Variants in FOXK1 observed in about 807,000 individuals in gnomAD.
FOXK1 encodes forkhead box protein K1.
In FOXK1, 19 loss-of-function variants were observed where a neutral mutation model predicts 51.9. The ratio of observed to expected loss-of-function variants is 0.37; its 90% confidence interval spans 0.26 to 0.54. FOXK1 has a LOEUF of 0.54. Among genes scored for constraint, FOXK1 ranks in the 20% least tolerant of loss-of-function variants. The pLI is 0.87. For missense variants in FOXK1, 870 were observed against 1,032.7 expected (o/e 0.84, Z 2.16); for synonymous variants, 537 against 482.6 (o/e 1.11, Z -1.48).
chr7:4,694,368 A>C (rs148335041), intron 1 of FOXK1, among the ~76,000 whole-genome samples: 34 of 152,248 alleles, frequency 2.2e-4, no homozygotes, highest in African/African-American at 7.7e-4. Context: ...GTCTGATAGG[A>C]ACTCTTGGAG....
intron 1 of FOXK1, among the ~76,000 whole-genome samples, chr7:4,728,490 T>C (rs1333852776): frequency 1.3e-5 from 2 of 152,136 alleles, no homozygotes; most frequent in Non-Finnish European, 2.9e-5. Context: ...GAACTCTTAC[T>C]CGTGTGCACT....
At position 4,763,014 on chromosome 7, in the gene FOXK1, G is replaced by A. The variant is rs1268975862; in HGVS notation, c.*550G>A. The stretch of plus-strand genomic sequence containing the variant: ...GTTGGCATTAACTCGGGGGGTGTCC[G>A]ATTTCACTTCAGACCCCAAGTTTTT... On this transcript the variant is annotated 3_prime_UTR_variant, in exon 9 of 9. Coordinates refer to ENST00000328914, the MANE Select transcript of FOXK1 (RefSeq NM_001037165.2). 1.9e-5 allele frequency: 3 copies of A among 154,346 alleles called. No homozygotes were observed. Among genetic ancestry groups the A allele is most frequent in the Admixed American group, 6.4e-5 (1 of 15,620 alleles). 9.6% of individuals were successfully genotyped at this position (154,346 alleles called of 1,614,324 possible).
Position 4,767,926 on chromosome 7 carries a change from G to T in FOXK1, c.*5462G>T, listed in dbSNP as rs962411739. ...CGAGAAGGGGGCCCTTACCCACACC[G>T]TGCGGCTTGAATTCTGTCGGAGTTG... On this transcript the variant is annotated 3_prime_UTR_variant, in exon 9 of 9. Transcript: ENST00000328914. The surrounding 1 kb of genome is among the most constrained non-coding windows in gnomAD (Gnocchi z 6.6). 6.6e-6 allele frequency: 1 copy of T among 152,024 alleles called. No individual in the cohort carries two copies. Among genetic ancestry groups the T allele is most frequent in the Admixed American group, 6.6e-5 (1 of 15,254 alleles). The allele number at this position is 152,024 out of a possible 1,614,324, so 9.4% of individuals were successfully genotyped here.
chr7:4,719,131 G>T (rs148167481), intron 1 of FOXK1, among the ~76,000 whole-genome samples: 16 of 110,366 alleles, frequency 1.4e-4, no homozygotes, highest in African/African-American at 5.3e-4. Context: ...TTTTTTTTTT[G>T]TTTGTTTTGT....
chr7:4,744,828 G>A (rs781001973), intron 2 of FOXK1, among the ~76,000 whole-genome samples: 127 of 152,358 alleles, frequency 8.3e-4, no homozygotes, highest in Non-Finnish European at 1.5e-3. Context: ...TGCAAAGACC[G>A]GATTCTTGTT....
In FOXK1 at chr7:4,747,229, C is replaced by T. The variant is rs1007043030; in HGVS notation, c.746+6206C>T. Among the ~76,000 whole-genome samples the T allele has an allele frequency of 6.6e-6, 1 of 152,182 alleles. No homozygotes were observed. The highest frequency in any genetic ancestry group is 2.4e-5 in the African/African-American group (1 of 41,460). ...TGTGTGGAGTAGGCCTGTTGCATGG[C>T]TTCTGTGCGGGCATGTTACGCACGA... is the stretch of plus-strand genomic sequence containing the variant. On this transcript the variant is annotated intron_variant, in intron 2 of 8. Coordinates refer to ENST00000328914, the MANE Select transcript of FOXK1 (RefSeq NM_001037165.2). This position sits in a 1 kb window ranked among gnomAD's most constrained non-coding sequence, Gnocchi z 9.2.
At chr7:4,724,336 C>T (rs921596527) in intron 1 of FOXK1, among the ~76,000 whole-genome samples, 1 of 152,228 alleles carries the variant, frequency 6.6e-6, no homozygotes, top group African/African-American at 2.4e-5. Flanking sequence ...GCTGGGATTA[C>T]AGGCACCCAC....
At chr7:4,708,213 G>C (rs767680079) in intron 1 of FOXK1, among the ~76,000 whole-genome samples, 1 of 152,182 alleles carries the variant, frequency 6.6e-6, no homozygotes, top group Non-Finnish European at 1.5e-5. Flanking sequence ...TGCTGATGCT[G>C]TGTGGCTTTG....
rs1193873636 is a variant in FOXK1 at position 4,757,060 on chromosome 7, C to T, written c.1117C>T (p.Pro373Ser). Reference sequence around the variant, plus strand: ...CAAAGTCCCACGTTCCCAGGAGGAGCCTGGGAAGGGGTCCTTTTGGCGAAT... The same window carrying T: ...CAAAGTCCCACGTTCCCAGGAGGAGTCTGGGAAGGGGTCCTTTTGGCGAAT... ...FIKVPRSQEEPGKGSFWRIDP... is the reference protein window; with the variant it reads ...FIKVPRSQEESGKGSFWRIDP... The change falls in exon 5 of 9, where the codon CCT becomes TCT. Residue 373 changes from proline to serine, a missense_variant. Pro to Ser is a moderately conservative substitution (Grantham distance 74). Around this residue, in one of 3 missense-constraint regions of FOXK1, gnomAD observed 14 missense variants for 46.3 expected, o/e 0.30. Transcript: ENST00000328914. 2 of 1,613,870 alleles carry T rather than the reference C, an allele frequency of 1.2e-6. No individual in the cohort carries two copies. The highest frequency in any genetic ancestry group is 1.7e-5 in the Admixed American group (1 of 60,018).
intron 1 of FOXK1, among the ~76,000 whole-genome samples, chr7:4,685,170 A>C (rs1196052181): frequency 6.6e-6 from 1 of 151,734 alleles, no homozygotes; most frequent in Non-Finnish European, 1.5e-5. Flanking sequence ...GTGCAGAAGG[A>C]AAAACATTAA....
chr7:4,757,177 C>CT lies in FOXK1; in HGVS notation c.1235dup (p.Ser413ValfsTer40). On this transcript the variant is annotated frameshift_variant, in exon 5 of 9. Coordinates refer to ENST00000328914, the MANE Select transcript of FOXK1 (RefSeq NM_001037165.2). LOFTEE classifies it high-confidence loss of function. ...CTGCTTCCGCACCCCCTTCGGGCCT[C>CT]TGTCCTCAAGGTAAAGTTCTCTGAG... The CT allele has an allele frequency of 6.2e-7, 1 of 1,606,454 alleles. No homozygotes were observed.
At position 4,712,397 on chromosome 7, in the gene FOXK1, A is replaced by G. The variant is rs117379847; in HGVS notation, c.561-28441A>G. Among the ~76,000 whole-genome samples, 66 of 152,272 alleles carry G rather than the reference A, an allele frequency of 4.3e-4. 1 individual carries two copies. In the East Asian group the frequency reaches 0.012, roughly 29 times the overall value. On this transcript the variant is annotated intron_variant, in intron 1 of 8. Coordinates refer to ENST00000328914, the MANE Select transcript of FOXK1 (RefSeq NM_001037165.2). ...CAACTGAGGATTGACCGTTCCTTGG[A>G]GTGAAGGCTCCGCATTCAGACGCCT...
At chr7:4,697,559 C>T (rs1224523827) in intron 1 of FOXK1, among the ~76,000 whole-genome samples, 1 of 152,154 alleles carries the variant, frequency 6.6e-6, no homozygotes, top group South Asian at 2.1e-4. Flanking sequence ...CACACCCCTG[C>T]CTTAGGCCAC....
intron 2 of FOXK1, 108 bp from the exon 3 acceptor site, chr7:4,754,351 G>C: frequency 7.7e-7 from 1 of 1,301,758 alleles, no homozygotes; most frequent in African/African-American, 1.5e-5. Flanking sequence ...TGGAAAGTGT[G>C]AGCTTCTTCC....
intron 1 of FOXK1, among the ~76,000 whole-genome samples, chr7:4,726,948 AATT>A (rs1371792965): frequency 6.6e-6 from 1 of 151,872 alleles, no homozygotes; most frequent in Non-Finnish European, 1.5e-5. Context: ...TACTAATTTT[AATT>A]TTTTTTTTTT....
Position 4,749,869 on chromosome 7 carries a change from C to T in FOXK1, c.747-4590C>T, listed in dbSNP as rs372818424. Among the ~76,000 whole-genome samples, 1 of 152,206 alleles carries T rather than the reference C, an allele frequency of 6.6e-6. No homozygotes were observed. Among genetic ancestry groups the T allele is most frequent in the African/African-American group, 2.4e-5 (1 of 41,458 alleles). On this transcript the variant is annotated intron_variant, in intron 2 of 8. Transcript: ENST00000328914. This position sits in a 1 kb window ranked among gnomAD's most constrained non-coding sequence, Gnocchi z 6.0. The stretch of plus-strand genomic sequence containing the variant: ...GGATTTGCCTTTCTCAGCGTGACTT[C>T]TCATCATAACGTGACCCAGCGACCT...
At position 4,770,675 on chromosome 7, in the gene FOXK1, T is replaced by G. The variant is rs943227754; in HGVS notation, c.*8211T>G. 1.3e-5 allele frequency: 2 copies of G among 152,218 alleles called. No individual in the cohort carries two copies. Among genetic ancestry groups the G allele is most frequent in the Non-Finnish European group, 2.9e-5 (2 of 68,072 alleles). 9.4% of individuals were successfully genotyped at this position (152,218 alleles called of 1,614,324 possible). On this transcript the variant is annotated 3_prime_UTR_variant, in exon 9 of 9. Transcript: ENST00000328914. Reference sequence around the variant, plus strand: ...GCGGGAGGAGAGACAACAGCCGTGTTCCAGAGTCTGTCCTGAGATGTCGCT... The same window carrying G: ...GCGGGAGGAGAGACAACAGCCGTGTGCCAGAGTCTGTCCTGAGATGTCGCT...
rs887176125 is a variant in FOXK1 at position 4,707,536 on chromosome 7, G to A, written c.560+24668G>A. ...TAGCGACTCAAGTATCTGCAGCAGC[G>A]AGAGGGTGGGTGTGGGAGTCGGTGA... On this transcript the variant is annotated intron_variant, in intron 1 of 8. Coordinates refer to ENST00000328914, the MANE Select transcript of FOXK1 (RefSeq NM_001037165.2). The surrounding 1 kb of genome is among the most constrained non-coding windows in gnomAD (Gnocchi z 4.1). Among the ~76,000 whole-genome samples the A allele has an allele frequency of 2.0e-5, 3 of 152,180 alleles. No individual in the cohort carries two copies. Among genetic ancestry groups the A allele is most frequent in the African/African-American group, 4.8e-5 (2 of 41,448 alleles).
chr7:4,742,741 G>T lies in FOXK1; in HGVS notation c.746+1718G>T, dbSNP rs111993252. ...CCGTACATGGCCTGCACCTTTTCAG[G>T]GTCCACAGTTAGAACTACACACTGG... On this transcript the variant is annotated intron_variant, in intron 2 of 8. Coordinates refer to ENST00000328914, the MANE Select transcript of FOXK1 (RefSeq NM_001037165.2). Among the ~76,000 whole-genome samples the T allele has an allele frequency of 1.3e-5, 2 of 152,244 alleles. 1 individual carries two copies. The highest frequency in any genetic ancestry group is 4.2e-4 in the South Asian group (2 of 4,812).
Sources: gnomAD v4.1 joint callset for allele counts (sites outside exome capture counted in the v4.1 genomes callset) on GRCh38, gnomAD v4.1.1 for gene constraint, gnomAD v4.1.1 regional missense constraint, Gnocchi (gnomAD v3.1) non-coding constraint, MANE v1.5 for transcripts, NCBI Gene and HGNC (gene_info 2026-07-23, HGNC 2026-07-21) for gene names.